The following BUB1 variants were observed in gnomAD, a reference collection of about 807,000 sequenced individuals.
The protein encoded by BUB1 is mitotic checkpoint serine/threonine-protein kinase BUB1.
In BUB1, 84 loss-of-function variants were observed where a neutral mutation model predicts 135.2. That is an observed-to-expected ratio of 0.62 (90% CI 0.52 to 0.74). The LOEUF is 0.74. Among genes scored for constraint, BUB1 ranks in the 30% least tolerant of loss-of-function variants. BUB1 has a pLI of 0.00. For missense variants in BUB1, 1,162 were observed against 1,288.3 expected (o/e 0.90, Z 1.50); for synonymous variants, 403 against 434.4 (o/e 0.93, Z 0.90).
intron 19 of BUB1, among the ~76,000 whole-genome samples, chr2:110,643,973 T>C (rs1351715425): frequency 6.8e-6 from 1 of 147,558 alleles, no homozygotes; most frequent in Admixed American, 6.9e-5. Context: ...ATGCCTTTGA[T>C]TGACTCACCA....
At chr2:110,677,376 G>A (rs923479905) in intron 1 of BUB1, among the ~76,000 whole-genome samples, 3 of 152,190 alleles carry the variant, frequency 2.0e-5, no homozygotes, top group Admixed American at 2.0e-4. Context: ...TTAAGTAACA[G>A]TCTGGGTAAA....
intron 9 of BUB1, 71 bp from the exon 10 acceptor site, chr2:110,661,912 ATCT>A: frequency 6.5e-7 from 1 of 1,536,190 alleles, no homozygotes; most frequent in Non-Finnish European, 8.8e-7. Flanking sequence ...CAGGCATTAC[ATCT>A]TCTCAAAGCA....
chr2:110,655,151 T>C (rs1340174593), intron 16 of BUB1, among the ~76,000 whole-genome samples: 2 of 152,206 alleles, frequency 1.3e-5, no homozygotes, highest in African/African-American at 2.4e-5. Flanking sequence ...TTTAAATATA[T>C]AGGGTGATAG....
intron 1 of BUB1, chr2:110,674,839 G>A (rs1043157844): frequency 1.0e-5 from 2 of 196,242 alleles, no homozygotes; most frequent in African/African-American, 4.8e-5. Context: ...TCAGACCTCT[G>A]CCCTTCCAGT....
chr2:110,660,487 G>A (rs1244659922), intron 10 of BUB1, among the ~76,000 whole-genome samples: 1 of 151,864 alleles, frequency 6.6e-6, no homozygotes, highest in Non-Finnish European at 1.5e-5. Flanking sequence ...TTACAAGCCT[G>A]TTAAAATACA....
Position 110,655,857 on chromosome 2 carries a change from G to T in BUB1, c.1758C>A (p.Cys586Ter), listed in dbSNP as rs765090921. ...TAGGACTGGGTGCCAGGGTTTTGTT[G>T]CAGCGAATACCCCATACAGTTGAGT... ...LDDSTVWGIR[C>*]NKTLAPSPKS... The change falls in exon 16 of 25, where the codon TGC (cysteine) becomes TGA (stop). Residue 586 changes from cysteine to a stop codon, truncating the protein, a stop_gained. Coordinates refer to ENST00000302759, the MANE Select transcript of BUB1 (RefSeq NM_004336.5). LOFTEE classifies it high-confidence loss of function. 1 of 1,613,970 alleles carries T rather than the reference G, an allele frequency of 6.2e-7. No individual in the cohort carries two copies. The highest frequency in any genetic ancestry group is 8.5e-7 in the Non-Finnish European group (1 of 1,179,910).
At chr2:110,656,978 G>T in intron 15 of BUB1, 58 bp downstream of exon 15, 1 of 1,291,086 alleles carries the variant, frequency 7.7e-7, no homozygotes, top group Non-Finnish European at 1.1e-6. Context: ...TAATCATTTG[G>T]TAGAATAAAG....
rs58393999 is a variant in BUB1, at chr2:110,644,058, CA to C, written c.2348-1825del. ...AATAAAAACTTCCAAAACTGAAATG[CA>C]AAAAAAAAAAAAAAAAAAAAAATAG... On this transcript the variant is annotated intron_variant, in intron 19 of 24. Coordinates refer to ENST00000302759, the MANE Select transcript of BUB1 (RefSeq NM_004336.5). Among the ~76,000 whole-genome samples the C allele has an allele frequency of 5.8e-3, 229 of 39,686 alleles. 2 individuals are homozygous for C. The highest frequency in any genetic ancestry group is 0.022 in the East Asian group (28 of 1,300). The allele number at this position is 39,686 out of a possible 152,430, so 26.0% of individuals were successfully genotyped here. A position where few individuals can be genotyped will look rare whatever the true frequency, so the allele number is the denominator to read the frequency against.
At chr2:110,658,897 T>C (rs1362859771) in intron 11 of BUB1, among the ~76,000 whole-genome samples, 155 bp from the exon 12 acceptor site, 1 of 152,250 alleles carries the variant, frequency 6.6e-6, no homozygotes, top group Non-Finnish European at 1.5e-5. Context: ...ATATATTTCA[T>C]TTTTATCTTT....
intron 9 of BUB1, among the ~76,000 whole-genome samples, chr2:110,663,977 T>C (rs1315954433): frequency 3.5e-5 from 5 of 144,646 alleles, no homozygotes; most frequent in South Asian, 2.2e-4. Flanking sequence ...TGCAGTGAGT[T>C]GAGACCATGC....
chr2:110,642,110 G>A lies in BUB1; in HGVS notation c.2463+9C>T. On this transcript the variant is annotated intron_variant, in intron 20 of 24. Transcript: ENST00000302759. ...CTATATCATACAAAAGACAACTCAG[G>A]TCATTTACCTTTAAAACAAATTTCT... The A allele has an allele frequency of 1.3e-6, 2 of 1,577,282 alleles. No individual in the cohort carries two copies. The highest frequency in any genetic ancestry group is 1.7e-6 in the Non-Finnish European group (2 of 1,153,756).
intron 15 of BUB1, among the ~76,000 whole-genome samples, chr2:110,656,704 G>C (rs1176256622): frequency 6.6e-6 from 1 of 151,922 alleles, no homozygotes; most frequent in African/African-American, 2.4e-5. Flanking sequence ...TTTGCTTTTT[G>C]TCTGAAGCAA....
chr2:110,642,334 T>C, intron 19 of BUB1, 100 bp from the exon 20 acceptor site: 1 of 705,226 alleles, frequency 1.4e-6, no homozygotes. Flanking sequence ...TTCTGTATAC[T>C]TCGCATCCAC....
intron 21 of BUB1, 22 bp from the exon 22 acceptor site, chr2:110,641,486 AT>A: frequency 6.3e-7 from 1 of 1,590,958 alleles, no homozygotes; most frequent in African/African-American, 1.4e-5. Context: ...GGAAAGTGGA[AT>A]CCTGAGTTAG....
chr2:110,666,455 T>A, intron 8 of BUB1, 41 bp from the exon 9 acceptor site: 10 of 1,294,212 alleles, frequency 7.7e-6, no homozygotes, highest in Non-Finnish European at 9.9e-6. Flanking sequence ...AAAATTTAAA[T>A]CCAGGTCATC....
At chr2:110,665,230 G>A (rs1023838972) in intron 9 of BUB1, among the ~76,000 whole-genome samples, 5 of 152,156 alleles carry the variant, frequency 3.3e-5, no homozygotes, top group Admixed American at 2.0e-4. Context: ...ATATTTATGT[G>A]TTTTCATACA....
chr2:110,655,110 G>A (rs1297309343), intron 16 of BUB1, among the ~76,000 whole-genome samples: 1 of 152,182 alleles, frequency 6.6e-6, no homozygotes, highest in African/African-American at 2.4e-5. Context: ...AATGTCATAT[G>A]TTAGGATTCA....
intron 9 of BUB1, 146 bp downstream of exon 9, chr2:110,666,117 G>A (rs149960327): frequency 2.1e-5 from 16 of 767,588 alleles, no homozygotes; most frequent in East Asian, 2.0e-4. Context: ...CATTGTGAAC[G>A]TCTATGTCAA....
intron 15 of BUB1, 42 bp downstream of exon 15, chr2:110,656,994 G>A (rs751603169): frequency 1.8e-5 from 26 of 1,448,276 alleles, no homozygotes; most frequent in Non-Finnish European, 2.5e-5. Context: ...TAAAGCGGAT[G>A]GGTTGTAGGA....
Sources: allele counts gnomAD v4.1 joint callset (sites outside exome capture counted in the v4.1 genomes callset), GRCh38; gene constraint gnomAD v4.1.1; transcripts MANE v1.5; gene names NCBI Gene and HGNC (gene_info 2026-07-23, HGNC 2026-07-21).